Variants in HIVEP3 observed in about 807,000 individuals in gnomAD.
The protein encoded by HIVEP3 is transcription factor HIVEP3.
HIVEP3 carries 49 observed loss-of-function variants against 152.8 expected under a neutral mutation model. The observed-to-expected ratio is 0.32, with a 90% CI of 0.26 to 0.41. The LOEUF (loss-of-function observed/expected upper bound fraction) is 0.41, where lower values mean the gene tolerates loss of function less well. Ranked by LOEUF, HIVEP3 falls within the 10% of genes least tolerant of loss-of-function variation. The pLI, the probability that HIVEP3 is intolerant of heterozygous loss-of-function variation, is 1.00. For missense variants in HIVEP3, 2,790 were observed against 3,103.3 expected (o/e 0.90, Z 2.40); for synonymous variants, 1,269 against 1,289.0 (o/e 0.98, Z 0.33).
Position 41,581,972 on chromosome 1 carries a change from C to T in HIVEP3, c.2826G>A (p.Gly942=). The T allele has an allele frequency of 6.2e-7, 1 of 1,614,168 alleles. No homozygotes were observed. Among genetic ancestry groups the T allele is most frequent in the Non-Finnish European group, 8.5e-7 (1 of 1,180,010 alleles). The stretch of plus-strand genomic sequence containing the variant: ...TCTCAAACGAGGCTGAGCGGCTGGA[C>T]CCACTCAAAGAGACATTGCTTTCCT... ...PSQESNVSLS[G]SSRSASFERD... is the part of the protein sequence containing the mutation. Residue 942 remains glycine (G), a synonymous_variant, in exon 4 of 9, where the codon GGG becomes GGA. Transcript: ENST00000372583. This position sits in a 1 kb window ranked among gnomAD's most constrained non-coding sequence, Gnocchi z 4.5.
chr1:41,870,994 G>T (rs1329776700), intron 1 of HIVEP3, among the ~76,000 whole-genome samples: 1 of 152,240 alleles, frequency 6.6e-6, no homozygotes, highest in Non-Finnish European at 1.5e-5. Flanking sequence ...GAACTGCTTA[G>T]AACAGTGCCT....
chr1:41,545,065 CCACCACCAA>C (rs1643706466), intron 5 of HIVEP3, among the ~76,000 whole-genome samples: 2 of 130,992 alleles, frequency 1.5e-5, no homozygotes, highest in Admixed American at 7.2e-5. Context: ...ATCACTACCA[CCACCACCAA>C]CATCACCACC....
intron 1 of HIVEP3, among the ~76,000 whole-genome samples, chr1:41,841,862 G>C (rs995853815): frequency 8.5e-5 from 13 of 152,128 alleles, no homozygotes; most frequent in Non-Finnish European, 1.8e-4. Context: ...AGCCGAGGCA[G>C]GTGGATCACT....
intron 2 of HIVEP3, among the ~76,000 whole-genome samples, chr1:41,656,500 C>T (rs770857498): frequency 7.9e-5 from 12 of 152,320 alleles, no homozygotes; most frequent in African/African-American, 9.6e-5. Context: ...CCAAGGAACA[C>T]GTACGTGCTT....
At chr1:41,544,897 T>C (rs141237430) in intron 5 of HIVEP3, among the ~76,000 whole-genome samples, 163 of 864 alleles carry the variant, frequency 0.19, 11 homozygotes, top group Middle Eastern at 0.5. Context: ...ACCACCACCA[T>C]CACCACCACC....
intron 1 of HIVEP3, among the ~76,000 whole-genome samples, chr1:41,702,606 C>T (rs542354152): frequency 6.6e-6 from 1 of 152,240 alleles, no homozygotes; most frequent in South Asian, 2.1e-4. Context: ...TATTGCAGGT[C>T]ATTATTATTC....
chr1:41,825,628 C>T (rs749484481), intron 1 of HIVEP3, among the ~76,000 whole-genome samples: 12 of 151,544 alleles, frequency 7.9e-5, no homozygotes, highest in Non-Finnish European at 1.5e-4. Context: ...TTTTTTGAAA[C>T]AGGGTCTCAC....
chr1:41,545,043 AC>A (rs1643702631), intron 5 of HIVEP3, among the ~76,000 whole-genome samples: 10 of 88,350 alleles, frequency 1.1e-4, no homozygotes, highest in Admixed American at 3.9e-4. Context: ...CACCAATACC[AC>A]TACCACCACC....
chr1:41,631,589 G>A (rs1050283506), intron 2 of HIVEP3, among the ~76,000 whole-genome samples: 3 of 152,040 alleles, frequency 2.0e-5, no homozygotes, highest in East Asian at 3.9e-4. Flanking sequence ...ACAGGTCACC[G>A]ATGCCCCCCT....
chr1:41,902,585 G>A (rs535915982), intron 1 of HIVEP3, among the ~76,000 whole-genome samples: 87 of 152,288 alleles, frequency 5.7e-4, no homozygotes, highest in African/African-American at 2.0e-3. Context: ...TTGGCAAGAG[G>A]GTAATCCTTT....
intron 1 of HIVEP3, among the ~76,000 whole-genome samples, chr1:41,783,448 C>G (rs1001544176): frequency 6.6e-6 from 1 of 152,146 alleles, no homozygotes; most frequent in Non-Finnish European, 1.5e-5. Flanking sequence ...ATAACCTCTC[C>G]GTGTGCCACT....
chr1:41,900,917 C>T (rs1644611079), intron 1 of HIVEP3, among the ~76,000 whole-genome samples: 1 of 152,014 alleles, frequency 6.6e-6, no homozygotes. Flanking sequence ...TTTAGTTCAG[C>T]AAGAAATTAC....
intron 1 of HIVEP3, among the ~76,000 whole-genome samples, chr1:41,917,123 A>C (rs897848167): frequency 6.6e-6 from 1 of 152,100 alleles, no homozygotes; most frequent in Non-Finnish European, 1.5e-5. Flanking sequence ...ACATAATTAC[A>C]TAAAGACGTC....
intron 1 of HIVEP3, among the ~76,000 whole-genome samples, chr1:42,023,897 C>T (rs970476338): frequency 4.6e-5 from 7 of 152,118 alleles, no homozygotes; most frequent in Non-Finnish European, 1.0e-4. Context: ...CATGTCATAT[C>T]CATGAATCCC....
chr1:41,592,208 T>A (rs1195781982), intron 3 of HIVEP3, among the ~76,000 whole-genome samples: 1 of 151,910 alleles, frequency 6.6e-6, no homozygotes, highest in African/African-American at 2.4e-5. Flanking sequence ...AGGCCTGGAG[T>A]CACCTTGGCT....
intron 1 of HIVEP3, among the ~76,000 whole-genome samples, chr1:41,777,989 G>A (rs1431138400): frequency 6.6e-6 from 1 of 152,228 alleles, no homozygotes; most frequent in African/African-American, 2.4e-5. Context: ...ATCGGCGGGG[G>A]TTCTTGGCAG....
intron 1 of HIVEP3, among the ~76,000 whole-genome samples, chr1:41,747,883 G>T (rs1169272904): frequency 6.6e-6 from 1 of 152,142 alleles, no homozygotes; most frequent in Non-Finnish European, 1.5e-5. Flanking sequence ...GGCTTAAAAG[G>T]ATACCATTCC....
In HIVEP3 at chr1:41,582,947, G is replaced by C. The variant is rs905053704; in HGVS notation, c.1851C>G (p.Pro617=). 1.2e-6 allele frequency: 2 copies of C among 1,614,060 alleles called. No homozygotes were observed. ...GPSSKDTASK[P]SDEVEPKESE... ...TTTCCTTGGGTTCCACTTCGTCCGA[G>C]GGCTTGGAGGCTGTGTCTTTGCTGC... The change falls in exon 4 of 9, where the codon CCC becomes CCG. Residue 617 remains proline (P), a synonymous_variant. Coordinates refer to ENST00000372583, the MANE Select transcript of HIVEP3 (RefSeq NM_024503.5). The surrounding 1 kb of genome is among the most constrained non-coding windows in gnomAD (Gnocchi z 4.7).
intron 2 of HIVEP3, among the ~76,000 whole-genome samples, chr1:41,657,708 A>G (rs1201282540): frequency 6.6e-6 from 1 of 152,238 alleles, no homozygotes; most frequent in Admixed American, 6.5e-5. Flanking sequence ...ATCACAGATC[A>G]GGAAGCTGAG....
Sources: allele counts gnomAD v4.1 joint callset (sites outside exome capture counted in the v4.1 genomes callset), GRCh38; gene constraint gnomAD v4.1.1; non-coding constraint Gnocchi (gnomAD v3.1); transcripts MANE v1.5; gene names NCBI Gene and HGNC (gene_info 2026-07-23, HGNC 2026-07-21).